Variants in NUDCD1 observed in about 807,000 individuals in gnomAD.
NUDCD1 encodes NudC domain containing 1, also known as nudC domain-containing protein 1.
A neutral mutation model predicts 67.8 loss-of-function variants in NUDCD1; 60 were observed. The observed-to-expected ratio is 0.88, with a 90% CI of 0.72 to 1.10. The LOEUF (loss-of-function observed/expected upper bound fraction) is 1.10, where lower values mean the gene tolerates loss of function less well. NUDCD1 is among the 50% of genes least tolerant of loss of function. The probability of loss-of-function intolerance (pLI) is 0.00; values close to 1 mark genes in which losing one functional copy is unlikely to be tolerated. For missense variants in NUDCD1, 643 were observed against 695.0 expected, an observed-to-expected ratio of 0.93 and a Z score of 0.84; for synonymous variants, 244 against 230.8, an observed-to-expected ratio of 1.06 and a Z score of -0.52.
intron 2 of NUDCD1, among the ~76,000 whole-genome samples, chr8:109,318,628 T>G (rs1195262313): frequency 6.6e-6 from 1 of 152,114 alleles, no homozygotes; most frequent in Non-Finnish European, 1.5e-5. Context: ...ATTCCTCTGA[T>G]CCAACAAGAA....
At chr8:109,300,041 T>C (rs1420342347) in intron 2 of NUDCD1, among the ~76,000 whole-genome samples, 3 of 152,004 alleles carry the variant, frequency 2.0e-5, no homozygotes, top group Admixed American at 2.0e-4. Context: ...GACACATCCA[T>C]AGGAAAAGGG....
Position 109,311,994 on chromosome 8 carries a change from C to T in NUDCD1, c.273+10315G>A, listed in dbSNP as rs181742896. On this transcript the variant is annotated intron_variant, in intron 2 of 9. Transcript: ENST00000239690. Reference sequence around the variant, plus strand: ...ATGTTAAATGGGGAAAATATTTGAACGGGACAACTATAGTTTAAAAAAAGT... The same window carrying T: ...ATGTTAAATGGGGAAAATATTTGAATGGGACAACTATAGTTTAAAAAAAGT... 1.7e-3 allele frequency among the ~76,000 whole-genome samples: 251 copies of T among 151,602 alleles called. 1 individual carries two copies. The highest frequency in any genetic ancestry group is 5.8e-3 in the African/African-American group (240 of 41,378).
chr8:109,260,414 T>A (rs1447856847), intron 8 of NUDCD1, among the ~76,000 whole-genome samples: 1 of 152,216 alleles, frequency 6.6e-6, no homozygotes, highest in Non-Finnish European at 1.5e-5. Context: ...TTGCCTAGGC[T>A]GGTCCTGACC....
intron 6 of NUDCD1, 33 bp downstream of exon 6, chr8:109,280,935 A>G: frequency 9.7e-7 from 1 of 1,027,528 alleles, no homozygotes. Flanking sequence ...AAAAAAGATA[A>G]TAGAATATTA....
intron 1 of NUDCD1, among the ~76,000 whole-genome samples, chr8:109,327,820 A>G (rs1815714057): frequency 6.6e-6 from 1 of 152,150 alleles, no homozygotes; most frequent in African/African-American, 2.4e-5. Flanking sequence ...TAAACAAATA[A>G]AAAAGGCTTC....
chr8:109,282,171 T>C (rs1356536863), intron 5 of NUDCD1, among the ~76,000 whole-genome samples: 2 of 152,150 alleles, frequency 1.3e-5, no homozygotes, highest in East Asian at 3.9e-4. Context: ...CCTGCCCATC[T>C]TGGCCCCTAC....
intron 2 of NUDCD1, among the ~76,000 whole-genome samples, chr8:109,309,522 T>C (rs1164160924): frequency 6.6e-6 from 1 of 152,128 alleles, no homozygotes; most frequent in Non-Finnish European, 1.5e-5. Flanking sequence ...TGGGGCAAAG[T>C]TGAAAGCATT....
chr8:109,245,348 TC>T lies in NUDCD1; in HGVS notation c.1432del (p.Glu478SerfsTer9). 6.2e-7 allele frequency: 1 copy of T among 1,613,774 alleles called. No homozygotes were observed. Among genetic ancestry groups the T allele is most frequent in the Non-Finnish European group, 8.5e-7 (1 of 1,179,846 alleles). ...PHSSKQDDMWEHIATFNALGY... is the reference protein window; with the variant it reads ...PHSSKQDDMWXHIATFNALGY... ...TAAAGCATTGAAAGTTGCGATGTGC[TC>T]CCACATATCATCTTGTTTGCTGGAG... On this transcript the variant is annotated frameshift_variant, in exon 9 of 10. Transcript: ENST00000239690. LOFTEE classifies it high-confidence loss of function.
intron 7 of NUDCD1, 119 bp from the exon 8 acceptor site, chr8:109,271,249 A>C (rs1814149219): frequency 3.3e-6 from 2 of 599,704 alleles, no homozygotes; most frequent in Non-Finnish European, 2.9e-6. Flanking sequence ...CAAACCTATG[A>C]CCAATAAAAT....
chr8:109,254,111 C>A (rs921506725), intron 8 of NUDCD1, among the ~76,000 whole-genome samples: 5 of 152,180 alleles, frequency 3.3e-5, no homozygotes, highest in African/African-American at 9.7e-5. Context: ...AAGAGAAGGA[C>A]TGTGGCTTTG....
At chr8:109,309,164 A>G (rs1264685328) in intron 2 of NUDCD1, among the ~76,000 whole-genome samples, 3 of 152,164 alleles carry the variant, frequency 2.0e-5, no homozygotes, top group Non-Finnish European at 2.9e-5. Context: ...CCAAAAAAGA[A>G]AACTACAGAG....
At chr8:109,294,319 T>C (rs1353440774) in intron 3 of NUDCD1, among the ~76,000 whole-genome samples, 3 of 152,118 alleles carry the variant, frequency 2.0e-5, no homozygotes, top group Non-Finnish European at 4.4e-5. Flanking sequence ...AAAAATGTGC[T>C]TTAATGTCAT....
chr8:109,303,059 CCGCCTCCCCAAGGATCTTGCTTCA>C (rs1815026524), intron 2 of NUDCD1, among the ~76,000 whole-genome samples: 1 of 152,226 alleles, frequency 6.6e-6, no homozygotes, highest in South Asian at 2.1e-4. Flanking sequence ...TCCTCCAGGA[CCGCCTCCCCAAGGATCTTGCTTCA>C]AGTGCTGGAA....
chr8:109,266,392 A>ATTTTTT (rs71305931), intron 8 of NUDCD1, among the ~76,000 whole-genome samples: 24 of 87,478 alleles, frequency 2.7e-4, no homozygotes, highest in Admixed American at 4.4e-4. Context: ...TGCCCGGCTA[A>ATTTTTT]TTTTTTTTTT....
chr8:109,247,755 C>T (rs766159096), intron 8 of NUDCD1, among the ~76,000 whole-genome samples: 83 of 152,176 alleles, frequency 5.5e-4, no homozygotes, highest in Non-Finnish European at 1.0e-3. Context: ...AGAATTCCCC[C>T]ACTCTCGTGG....
chr8:109,313,616 A>C (rs1815313324), intron 2 of NUDCD1, among the ~76,000 whole-genome samples: 1 of 152,228 alleles, frequency 6.6e-6, no homozygotes, highest in Non-Finnish European at 1.5e-5. Flanking sequence ...ATACAATGGG[A>C]GGCTTTCCTC....
intron 5 of NUDCD1, among the ~76,000 whole-genome samples, chr8:109,289,494 A>T (rs1814651622): frequency 6.6e-6 from 1 of 152,176 alleles, no homozygotes; most frequent in African/African-American, 2.4e-5. Flanking sequence ...TTTATTAAGC[A>T]CCTAATCAAG....
rs1297655554 is a variant in NUDCD1 at position 109,280,976 on chromosome 8, CTCTT to C, written c.1016_1019del (p.Lys339ArgfsTer9). The C allele has an allele frequency of 6.6e-7, 1 of 1,525,504 alleles. No homozygotes were observed. The highest frequency in any genetic ancestry group is 9.0e-7 in the Non-Finnish European group (1 of 1,109,038). The allele number at this position is 1,525,504 out of a possible 1,614,324, so 94.5% of individuals were successfully genotyped here. On this transcript the variant is annotated frameshift_variant, in exon 6 of 10. Transcript: ENST00000239690. LOFTEE classifies it high-confidence loss of function. ...AAATTAAAAAAAAATACCTATTACT[CTCTT>C]TAATTATCCATGTACTGCTTTCATG...
At chr8:109,321,840 A>G (rs1815546900) in intron 2 of NUDCD1, among the ~76,000 whole-genome samples, 1 of 152,178 alleles carries the variant, frequency 6.6e-6, no homozygotes, top group African/African-American at 2.4e-5. Context: ...ACCAAAGAAG[A>G]TTTCAAGACA....
Sources: gnomAD v4.1 joint callset for allele counts (sites outside exome capture counted in the v4.1 genomes callset) on GRCh38, gnomAD v4.1.1 for gene constraint, MANE v1.5 for transcripts, NCBI Gene and HGNC (gene_info 2026-07-23, HGNC 2026-07-21) for gene names.